Variants in IL1RAPL2 observed in about 807,000 individuals in gnomAD.
The protein encoded by IL1RAPL2 is interleukin 1 receptor accessory protein like 2, also known as X-linked interleukin-1 receptor accessory protein-like 2.
IL1RAPL2 carries 3 observed loss-of-function variants against 44.1 expected under a neutral mutation model. That is an observed-to-expected ratio of 0.07 (90% CI 0.03 to 0.18). The LOEUF is 0.18. IL1RAPL2 is among the 10% of genes least tolerant of loss of function. The pLI is 1.00. For missense variants in IL1RAPL2, 391 were observed against 496.4 expected (o/e 0.79, Z 2.02); for synonymous variants, 181 against 178.8 (o/e 1.01, Z -0.10).
intron 2 of IL1RAPL2, among the ~76,000 whole-genome samples, chrX:104,692,516 G>A (rs997558648): frequency 4.7e-5 from 5 of 106,555 alleles, no homozygotes; most frequent in Non-Finnish European, 9.6e-5. Context: ...CCCACCCCAC[G>A]ACAGGCCCTG....
At chrX:105,618,999 G>A (rs941093747) in intron 6 of IL1RAPL2, among the ~76,000 whole-genome samples, 3 of 110,981 alleles carry the variant, frequency 2.7e-5, no homozygotes, top group South Asian at 7.6e-4. Flanking sequence ...TATAAGGGAG[G>A]AAAAATAATT....
At chrX:104,919,694 CTTTTT>C (rs56245942) in intron 2 of IL1RAPL2, among the ~76,000 whole-genome samples, 2 of 92,124 alleles carry the variant, frequency 2.2e-5, no homozygotes, top group Admixed American at 1.2e-4. Flanking sequence ...ACCACACCCA[CTTTTT>C]TTTTTTTTTT....
intron 2 of IL1RAPL2, among the ~76,000 whole-genome samples, chrX:104,672,254 C>A (rs1450915090): frequency 9.0e-6 from 1 of 111,075 alleles, no homozygotes; most frequent in Non-Finnish European, 1.9e-5. Flanking sequence ...ATCCCTCCCC[C>A]ACCCATAACA....
intron 6 of IL1RAPL2, among the ~76,000 whole-genome samples, chrX:105,541,219 C>G: frequency 9.1e-6 from 1 of 110,100 alleles, no homozygotes; most frequent in Non-Finnish European, 1.9e-5. Flanking sequence ...GGAGAAAAAG[C>G]TGAAGTATTT....
chrX:105,376,322 T>C (rs369439735), intron 5 of IL1RAPL2, among the ~76,000 whole-genome samples: 132 of 112,532 alleles, frequency 1.2e-3, no homozygotes, highest in African/African-American at 3.9e-3. Context: ...ATGTTTGCTT[T>C]GAGAGATTTA....
At chrX:104,710,361 A>G (rs1042665021) in intron 2 of IL1RAPL2, among the ~76,000 whole-genome samples, 7 of 111,779 alleles carry the variant, frequency 6.3e-5, no homozygotes, top group Non-Finnish European at 1.1e-4. Context: ...TAAAGAAGTC[A>G]GATGCAGATG....
chrX:105,567,317 A>T (rs964416864), intron 6 of IL1RAPL2, among the ~76,000 whole-genome samples: 1 of 111,539 alleles, frequency 9.0e-6, no homozygotes, highest in Non-Finnish European at 1.9e-5. Flanking sequence ...TGGGGAAAGT[A>T]GCTTAGATTT....
intron 2 of IL1RAPL2, among the ~76,000 whole-genome samples, chrX:104,921,012 C>T (rs535115072): frequency 5.4e-5 from 6 of 111,108 alleles, no homozygotes; most frequent in South Asian, 7.8e-4. Context: ...GCCCCCAGAC[C>T]GGTGCCATTC....
At chrX:104,660,564 A>G (rs1339230978) in intron 2 of IL1RAPL2, among the ~76,000 whole-genome samples, 2 of 90,599 alleles carry the variant, frequency 2.2e-5, no homozygotes, top group African/African-American at 7.5e-5. Context: ...ATATATATTT[A>G]TATATATAAA....
chrX:105,281,158 C>G (rs1749944252), intron 5 of IL1RAPL2, among the ~76,000 whole-genome samples: 1 of 111,244 alleles, frequency 9.0e-6, no homozygotes, highest in Admixed American at 9.6e-5. Context: ...TCATTCTCAG[C>G]AAATTATCAC....
intron 2 of IL1RAPL2, among the ~76,000 whole-genome samples, chrX:105,140,734 C>T (rs1375648620): frequency 8.9e-6 from 1 of 112,474 alleles, no homozygotes; most frequent in Non-Finnish European, 1.9e-5. Flanking sequence ...TGTTCAATAG[C>T]AAATGCTAAT....
At chrX:105,102,703 T>C (rs2032686515) in intron 2 of IL1RAPL2, among the ~76,000 whole-genome samples, 1 of 111,895 alleles carries the variant, frequency 8.9e-6, no homozygotes, top group Non-Finnish European at 1.9e-5. Flanking sequence ...GTATTGGTTC[T>C]CATTATTATG....
At chrX:104,974,379 C>A (rs1468267316) in intron 2 of IL1RAPL2, among the ~76,000 whole-genome samples, 1 of 112,233 alleles carries the variant, frequency 8.9e-6, no homozygotes, top group Non-Finnish European at 1.9e-5. Context: ...TAAGCCTAGA[C>A]TAGCCTTGTT....
intron 10 of IL1RAPL2, among the ~76,000 whole-genome samples, chrX:105,760,315 T>TGTAA (rs374535297): frequency 2.9e-4 from 32 of 111,915 alleles, no homozygotes; most frequent in African/African-American, 1.0e-3. Flanking sequence ...CAGAAAAGAC[T>TGTAA]GTAAGTAGTA....
intron 2 of IL1RAPL2, among the ~76,000 whole-genome samples, chrX:104,727,796 ATT>A (rs529219956): frequency 9.6e-6 from 1 of 103,779 alleles, no homozygotes; most frequent in Admixed American, 1.1e-4. Flanking sequence ...TTGTTTTTGG[ATT>A]TTTTTTTTTT....
chrX:105,762,700 A>ACAT (rs1403820372), intron 10 of IL1RAPL2, among the ~76,000 whole-genome samples: 3 of 111,671 alleles, frequency 2.7e-5, no homozygotes, highest in African/African-American at 9.8e-5. Flanking sequence ...ATCACAAGTT[A>ACAT]CATCAAACCA....
intron 5 of IL1RAPL2, among the ~76,000 whole-genome samples, chrX:105,304,993 C>T (rs896711715): frequency 9.0e-6 from 1 of 110,874 alleles, no homozygotes; most frequent in Admixed American, 9.7e-5. Flanking sequence ...TCTTACATGG[C>T]CAGAGCAGGA....
At chrX:104,580,985 C>T (rs1928334081) in intron 1 of IL1RAPL2, among the ~76,000 whole-genome samples, 1 of 111,898 alleles carries the variant, frequency 8.9e-6, no homozygotes, top group South Asian at 3.8e-4. Context: ...CTGCTTATCT[C>T]AAAGAGCTAT....
chrX:105,695,700 G>A (rs1769227811), intron 6 of IL1RAPL2, among the ~76,000 whole-genome samples: 4 of 111,085 alleles, frequency 3.6e-5, no homozygotes, highest in African/African-American at 6.5e-5. Flanking sequence ...GCATCTTAAC[G>A]TACCATATCA....
Sources: allele counts gnomAD v4.1 joint callset (sites outside exome capture counted in the v4.1 genomes callset), GRCh38; gene constraint gnomAD v4.1.1; transcripts MANE v1.5; gene names NCBI Gene and HGNC (gene_info 2026-07-23, HGNC 2026-07-21).